Variants in GRIP2 observed in about 807,000 individuals in gnomAD.
GRIP2 encodes the protein glutamate receptor interacting protein 2, also known as glutamate receptor-interacting protein 2.
A neutral mutation model predicts 108.3 loss-of-function variants in GRIP2; 58 were observed. That is an observed-to-expected ratio of 0.54 (90% CI 0.43 to 0.67). GRIP2 has a LOEUF of 0.67. GRIP2 is among the 30% of genes least tolerant of loss of function. The probability of loss-of-function intolerance (pLI) is 0.00; values close to 1 mark genes in which losing one functional copy is unlikely to be tolerated. For missense variants in GRIP2, 1,278 were observed against 1,430.6 expected (o/e 0.89, Z 1.72); for synonymous variants, 586 against 598.2 (o/e 0.98, Z 0.30).
exon 1 of GRIP2, chr3:14,556,033 G>A (rs1392520436): frequency 9.5e-5 from 38 of 398,408 alleles, no homozygotes; most frequent in Non-Finnish European, 3.1e-5. Context: ...TCCTGTGCCC[G>A]CTCCAGAGCT....
At chr3:14,578,954 A>T in the GRIP2 span, among the ~76,000 whole-genome samples, 1 of 152,210 alleles carries the variant, frequency 6.6e-6, no homozygotes, top group East Asian at 1.9e-4. Context: ...CAACCCAGCA[A>T]TCCCACTCCT....
rs954786395 is a variant in GRIP2, at chr3:14,525,884, C to T, written c.88G>A (p.Val30Ile). The change falls in exon 2 of 24, where the codon GTT becomes ATT. Residue 30 changes from valine to isoleucine, a missense_variant. Physicochemically the swap from Val to Ile is conservative, Grantham distance 29. Coordinates refer to ENST00000621039, the MANE Select transcript of GRIP2 (RefSeq NM_001080423.4). ...KGGKDAGGAD[V>I]SLACRRQSIP... ...CTCTGTCTGCGGCACGCCAGGGAAA[C>T]GTCGGCCCCTCCTGCGTCCTTGCCT... 6.4e-6 allele frequency: 10 copies of T among 1,561,306 alleles called. No homozygotes were observed. The highest frequency in any genetic ancestry group is 1.7e-4 in the Middle Eastern group (1 of 5,992).
Position 14,520,169 on chromosome 3 carries a change from A to G in GRIP2, c.971T>C (p.Val324Ala). ...GGGCACAGGCAGGATCTCCAGCCGC[A>G]CCTTCTCTGAAATGCTGGCCAGGAG... ...TKLLASISEKVRLEILPVPQS... is the reference protein window; with the variant it reads ...TKLLASISEKARLEILPVPQS... Residue 324 changes from valine to alanine, a missense_variant, in exon 9 of 24, where the codon GTG (valine) becomes GCG (alanine). Physicochemically the swap from Val to Ala is moderately conservative, Grantham distance 64. Transcript: ENST00000621039. 6.2e-7 allele frequency: 1 copy of G among 1,612,348 alleles called. No homozygotes were observed. Among genetic ancestry groups the G allele is most frequent in the Non-Finnish European group, 8.5e-7 (1 of 1,179,502 alleles).
chr3:14,563,908 T>C, the GRIP2 span, among the ~76,000 whole-genome samples: 1 of 152,166 alleles, frequency 6.6e-6, no homozygotes, highest in African/African-American at 2.4e-5. Flanking sequence ...AGAAAGCGGC[T>C]GTTTCTGCTT....
At position 14,552,415 on chromosome 3, in the gene GRIP2, G is replaced by T. The variant is rs113552139; in HGVS notation, c.55+3485C>A. On this transcript the variant is annotated intron_variant, in intron 1 of 23. Coordinates refer to the GRIP2 transcript ENST00000637182. Reference sequence around the variant, plus strand: ...TGCCCTGTTGTACCCCAAGGGCCTAGAACAATACCTATGACGTAATAGATG... The same window carrying T: ...TGCCCTGTTGTACCCCAAGGGCCTATAACAATACCTATGACGTAATAGATG... Among the ~76,000 whole-genome samples the T allele has an allele frequency of 3.6e-3, 553 of 152,328 alleles. 4 individuals carry two copies. Among genetic ancestry groups the T allele is most frequent in the Non-Finnish European group, 6.7e-3 (455 of 68,028 alleles).
At chr3:14,558,268 C>T (rs1372303310), upstream of GRIP2, among the ~76,000 whole-genome samples, 2 of 152,202 alleles carry the variant, frequency 1.3e-5, no homozygotes, top group African/African-American at 4.8e-5. Flanking sequence ...AGGCCGCTGC[C>T]ACATCTAGGC....
upstream of GRIP2, among the ~76,000 whole-genome samples, chr3:14,546,268 C>A (rs985658427): frequency 6.6e-6 from 1 of 152,092 alleles, no homozygotes; most frequent in Non-Finnish European, 1.5e-5. Flanking sequence ...GTGCAGCTAA[C>A]GCACAGAGAC....
Position 14,517,004 on chromosome 3 carries a change from G to A in GRIP2, c.1306+60C>T, listed in dbSNP as rs575057597. On this transcript the variant is annotated intron_variant, in intron 11 of 23. Transcript: ENST00000621039. Reference sequence around the variant, plus strand: ...CCCTCGCCCTGACATACACCCTTTGGCAAGCCTCACTCTCAGACATACAAG... The same window carrying A: ...CCCTCGCCCTGACATACACCCTTTGACAAGCCTCACTCTCAGACATACAAG... 9.4e-5 allele frequency: 131 copies of A among 1,401,050 alleles called. 2 individuals carry two copies. In the South Asian group the frequency reaches 2.1e-3, roughly 22 times the overall value. 86.8% of individuals were successfully genotyped at this position (1,401,050 alleles called of 1,614,324 possible).
the GRIP2 span, among the ~76,000 whole-genome samples, chr3:14,584,550 C>T: frequency 1.1e-4 from 16 of 152,302 alleles, no homozygotes; most frequent in Admixed American, 2.0e-4. Flanking sequence ...AAGAGGATTT[C>T]GCTGTGTGGA....
chr3:14,504,205 T>C (rs765877991), intron 20 of GRIP2, among the ~76,000 whole-genome samples: 4 of 152,082 alleles, frequency 2.6e-5, no homozygotes, highest in Non-Finnish European at 5.9e-5. Context: ...ACACTGAGTC[T>C]CAGAAAGTTC....
At chr3:14,510,692 G>A (rs2124884195) in intron 16 of GRIP2, among the ~76,000 whole-genome samples, 1 of 152,234 alleles carries the variant, frequency 6.6e-6, no homozygotes, top group Middle Eastern at 3.4e-3. Flanking sequence ...TTTCCAGTTG[G>A]CGCAGTCCTC....
Position 14,511,018 on chromosome 3 carries a change from C to A in GRIP2, c.1933+147G>T. On this transcript the variant is annotated intron_variant, in intron 16 of 23. Coordinates refer to ENST00000621039, the MANE Select transcript of GRIP2 (RefSeq NM_001080423.4). This position sits in a 1 kb window ranked among gnomAD's most constrained non-coding sequence, Gnocchi z 4.1. ...CAGTGAGAAATCTGTGGTGTTGCCC[C>A]CTCCTTCATTTGTTCATTCCAGCCA... The A allele has an allele frequency of 2.1e-6, 2 of 938,996 alleles. No homozygotes were observed. Among genetic ancestry groups the A allele is most frequent in the African/African-American group, 1.7e-5 (1 of 60,366 alleles). 58.2% of individuals were successfully genotyped at this position (938,996 alleles called of 1,614,324 possible).
In GRIP2 at chr3:14,496,567, G is replaced by A. The variant is rs1693609588; in HGVS notation, c.2680-7C>T. On this transcript the variant is annotated splice_region_variant and splice_polypyrimidine_tract_variant and intron_variant, in intron 21 of 23. Coordinates refer to ENST00000621039, the MANE Select transcript of GRIP2 (RefSeq NM_001080423.4). ...TGCCCGTCATGATGGATGCCTGCAAGGAACACGGCCTTTCTTTCAGATGCT... is the reference window on the plus strand; with the variant it reads ...TGCCCGTCATGATGGATGCCTGCAAAGAACACGGCCTTTCTTTCAGATGCT... The A allele has an allele frequency of 6.3e-7, 1 of 1,593,264 alleles. No homozygotes were observed. Among genetic ancestry groups the A allele is most frequent in the African/African-American group, 1.3e-5 (1 of 74,532 alleles).
At chr3:14,541,283 T>A (rs1694963910), upstream of GRIP2, among the ~76,000 whole-genome samples, 1 of 151,106 alleles carries the variant, frequency 6.6e-6, no homozygotes, top group Admixed American at 6.6e-5. Context: ...AAGGGTGGGG[T>A]GATGGTGACA....
At chr3:14,536,278 C>T (rs944283134) in intron 1 of GRIP2, among the ~76,000 whole-genome samples, 2 of 152,228 alleles carry the variant, frequency 1.3e-5, no homozygotes, top group Admixed American at 6.5e-5. Context: ...GGGAGGCTCA[C>T]CGATTGTCCC....
In GRIP2 at chr3:14,511,392, C is replaced by A. The variant is rs1694088731; in HGVS notation, c.1787+21G>T. On this transcript the variant is annotated intron_variant, in intron 15 of 23. Transcript: ENST00000621039. This position sits in a 1 kb window ranked among gnomAD's most constrained non-coding sequence, Gnocchi z 4.1. ...CTCACTGCTGTTGGCCACTTCCCTT[C>A]CTGTGCCCCAGTGCCCCTACCTGTG... 6.2e-7 allele frequency: 1 copy of A among 1,613,992 alleles called. No homozygotes were observed. Among genetic ancestry groups the A allele is most frequent in the Admixed American group, 1.7e-5 (1 of 60,022 alleles).
exon 1 of GRIP2, chr3:14,556,067 G>A: frequency 2.5e-6 from 1 of 398,400 alleles, no homozygotes; most frequent in East Asian, 3.6e-5. Context: ...GGCACAGGCT[G>A]GGCGCTCCCT....
chr3:14,512,657 C>T lies in GRIP2; in HGVS notation c.1720+120G>A. On this transcript the variant is annotated intron_variant, in intron 14 of 23. Coordinates refer to ENST00000621039, the MANE Select transcript of GRIP2 (RefSeq NM_001080423.4). The surrounding 1 kb of genome is among the most constrained non-coding windows in gnomAD (Gnocchi z 5.1). ...AGCCAGCCTCCCCACACCCCCAAGC[C>T]TTTTCCTCGGGCCCCGCAGGGTGTC... The T allele has an allele frequency of 2.2e-6, 2 of 922,092 alleles. No homozygotes were observed. Among genetic ancestry groups the T allele is most frequent in the Non-Finnish European group, 3.3e-6 (2 of 602,580 alleles). 57.1% of individuals were successfully genotyped at this position (922,092 alleles called of 1,614,324 possible).
rs1694078746 is a variant in GRIP2 at position 14,511,174 on chromosome 3, C to T, written c.1924G>A (p.Asp642Asn). The change falls in exon 16 of 24, where the codon GAC becomes AAC. Residue 642 changes from aspartate to asparagine, a missense_variant. Physicochemically the swap from Asp to Asn is conservative, Grantham distance 23. Coordinates refer to ENST00000621039, the MANE Select transcript of GRIP2 (RefSeq NM_001080423.4). The surrounding 1 kb of genome is among the most constrained non-coding windows in gnomAD (Gnocchi z 4.1). ...LVKLKIRKDE[D>N]NSDELETTGA... ...AGCATGAGGGCCATACCAGAGTTGT[C>T]CTCGTCCTTCCGGATCTTCAGCTTC... 1 of 1,613,892 alleles carries T rather than the reference C, an allele frequency of 6.2e-7. No homozygotes were observed. Among genetic ancestry groups the T allele is most frequent in the Middle Eastern group, 1.6e-4 (1 of 6,062 alleles).
Sources: allele counts gnomAD v4.1 joint callset (sites outside exome capture counted in the v4.1 genomes callset), GRCh38; gene constraint gnomAD v4.1.1; non-coding constraint Gnocchi (gnomAD v3.1); transcripts MANE v1.5; gene names NCBI Gene and HGNC (gene_info 2026-07-23, HGNC 2026-07-21).